The following EXT2 variants were observed in gnomAD, a reference collection of about 807,000 sequenced individuals.
EXT2 encodes the protein exostosin glycosyltransferase 2, also known as exostosin-2.
In EXT2, 53 loss-of-function variants were observed where a neutral mutation model predicts 81.6. The ratio of observed to expected loss-of-function variants is 0.65; its 90% CI spans 0.52 to 0.82. EXT2 has a LOEUF of 0.82. Among genes scored for constraint, EXT2 ranks in the 40% least tolerant of loss-of-function variants. The probability of loss-of-function intolerance (pLI) is 0.00; values close to 1 mark genes in which losing one functional copy is unlikely to be tolerated. For synonymous variants in EXT2, 320 were observed against 340.0 expected, an observed-to-expected ratio of 0.94 and a Z score of 0.65; for missense variants, 774 against 910.2, an observed-to-expected ratio of 0.85 and a Z score of 1.93.
intron 4 of EXT2, among the ~76,000 whole-genome samples, chr11:44,119,214 T>G: frequency 7.0e-6 from 1 of 142,922 alleles, no homozygotes; most frequent in South Asian, 2.3e-4. Context: ...GTCATGACTG[T>G]GGGGATGTGT....
At chr11:44,182,133 A>G (rs1398305269) in intron 8 of EXT2, among the ~76,000 whole-genome samples, 1 of 152,142 alleles carries the variant, frequency 6.6e-6, no homozygotes, top group African/African-American at 2.4e-5. Context: ...CCTACAGATT[A>G]TTATTTAATC....
chr11:44,235,636 C>G (rs1044072326), intron 12 of EXT2, among the ~76,000 whole-genome samples: 1 of 152,128 alleles, frequency 6.6e-6, no homozygotes, highest in African/African-American at 2.4e-5. Context: ...GCTTCTTAGC[C>G]TAGACTTAGT....
At chr11:44,237,917 A>C (rs960169582) in intron 13 of EXT2, among the ~76,000 whole-genome samples, 3 of 144,984 alleles carry the variant, frequency 2.1e-5, no homozygotes, top group East Asian at 2.1e-4. Flanking sequence ...AAAAAAAAAA[A>C]AAAAAAAAAA....
At chr11:44,139,290 T>C (rs940127196) in intron 7 of EXT2, among the ~76,000 whole-genome samples, 3 of 152,076 alleles carry the variant, frequency 2.0e-5, no homozygotes, top group Non-Finnish European at 4.4e-5. Context: ...ACTGAGCCTT[T>C]TCCCCCTTCT....
intron 1 of EXT2, among the ~76,000 whole-genome samples, chr11:44,101,175 T>C (rs1171212206): frequency 6.6e-6 from 1 of 152,140 alleles, no homozygotes; most frequent in Non-Finnish European, 1.5e-5. Flanking sequence ...ACTATAAAGC[T>C]GGAGAGGAGA....
chr11:44,131,300 T>C (rs1171769162), intron 7 of EXT2, among the ~76,000 whole-genome samples: 1 of 152,182 alleles, frequency 6.6e-6, no homozygotes, highest in Non-Finnish European at 1.5e-5. Context: ...TTTAGGAGAG[T>C]GAGGTTAGTG....
At chr11:44,212,060 C>T (rs977732245) in intron 10 of EXT2, among the ~76,000 whole-genome samples, 38 of 151,922 alleles carry the variant, frequency 2.5e-4, no homozygotes, top group Admixed American at 1.1e-3. Flanking sequence ...CTGAGTCAAG[C>T]GGATCACGAG....
chr11:44,100,675 G>A (rs1234838796), intron 1 of EXT2, among the ~76,000 whole-genome samples: 1 of 152,136 alleles, frequency 6.6e-6, no homozygotes, highest in African/African-American at 2.4e-5. Flanking sequence ...GCTGGAGGGT[G>A]GGCTCTGTTG....
chr11:44,174,902 TCAGTGTGGCAA>T (rs1955136901), intron 8 of EXT2, among the ~76,000 whole-genome samples: 1 of 152,126 alleles, frequency 6.6e-6, no homozygotes, highest in African/African-American at 2.4e-5. Flanking sequence ...TTCAGAGAGT[TCAGTGTGGCAA>T]CAGTGAAGGA....
chr11:44,225,973 C>T (rs140784714), intron 10 of EXT2, among the ~76,000 whole-genome samples: 34 of 152,312 alleles, frequency 2.2e-4, no homozygotes, highest in African/African-American at 7.9e-4. Context: ...TGAGCTGGTA[C>T]AGATACAAGG....
At chr11:44,151,373 G>T (rs1416715509) in intron 7 of EXT2, among the ~76,000 whole-genome samples, 1 of 151,934 alleles carries the variant, frequency 6.6e-6, no homozygotes, top group Non-Finnish European at 1.5e-5. Flanking sequence ...TCTGTGCTCT[G>T]CCTATTAATT....
chr11:44,232,756 C>T lies in EXT2; in HGVS notation c.1806+260C>T, dbSNP rs555917844. On this transcript the variant is annotated intron_variant, in intron 11 of 13. Transcript: ENST00000533608. Reference sequence around the variant, plus strand: ...CCATTTTATCATTCAGGTGCTATTTCCAGCTTGCCGTTTATTTATTTACTT... The same window carrying T: ...CCATTTTATCATTCAGGTGCTATTTTCAGCTTGCCGTTTATTTATTTACTT... 2.6e-5 allele frequency among the ~76,000 whole-genome samples: 4 copies of T among 152,296 alleles called. No homozygotes were observed. The South Asian group carries it at 8.3e-4, about 32-fold the overall frequency.
chr11:44,153,033 C>T (rs570408329), intron 7 of EXT2, among the ~76,000 whole-genome samples: 10 of 152,254 alleles, frequency 6.6e-5, no homozygotes, highest in African/African-American at 2.4e-4. Context: ...AATTTAGAAT[C>T]AGTTTGTTGA....
At chr11:44,116,539 G>A (rs1363023644) in intron 4 of EXT2, 1 of 152,176 alleles carries the variant, frequency 6.6e-6, no homozygotes, top group Non-Finnish European at 1.5e-5. Flanking sequence ...CAGAACTGCT[G>A]GGTCATACGG....
chr11:44,218,375 T>C (rs1451300632), intron 10 of EXT2, among the ~76,000 whole-genome samples: 1 of 152,068 alleles, frequency 6.6e-6, no homozygotes, highest in Non-Finnish European at 1.5e-5. Context: ...AGGAATTTTG[T>C]TTTGGTGAGC....
chr11:44,171,831 T>C (rs939077025), intron 8 of EXT2, 89 bp downstream of exon 8: 5 of 1,576,826 alleles, frequency 3.2e-6, no homozygotes, highest in Admixed American at 1.7e-5. Context: ...GTAAAGGTTA[T>C]TTAAATTCTA....
intron 7 of EXT2, among the ~76,000 whole-genome samples, chr11:44,166,915 G>T (rs1955002230): frequency 6.6e-6 from 1 of 152,152 alleles, no homozygotes; most frequent in Non-Finnish European, 1.5e-5. Context: ...GCTGATACTG[G>T]AGCAACCCTC....
At chr11:44,215,923 G>T (rs1955712956) in intron 10 of EXT2, among the ~76,000 whole-genome samples, 1 of 145,074 alleles carries the variant, frequency 6.9e-6, no homozygotes, top group Non-Finnish European at 1.5e-5. Flanking sequence ...AGGTCGGACT[G>T]CGGACTGCAG....
chr11:44,160,263 G>A (rs780028945), intron 7 of EXT2, among the ~76,000 whole-genome samples: 47 of 152,164 alleles, frequency 3.1e-4, no homozygotes, highest in Non-Finnish European at 5.9e-4. Flanking sequence ...CCTGGCACTG[G>A]TTCCTGGAGA....
Sources: allele counts gnomAD v4.1 joint callset (sites outside exome capture counted in the v4.1 genomes callset), GRCh38; gene constraint gnomAD v4.1.1; transcripts MANE v1.5; gene names NCBI Gene and HGNC (gene_info 2026-07-23, HGNC 2026-07-21).